The following FUT9 variants were observed in gnomAD, a reference collection of about 807,000 sequenced individuals.
FUT9 encodes the protein 4-galactosyl-N-acetylglucosaminide 3-alpha-L-fucosyltransferase 9.
In FUT9, 15 loss-of-function variants were observed where a neutral mutation model predicts 29.7. That is an observed-to-expected ratio of 0.51 (90% CI 0.34 to 0.78). The LOEUF is 0.78. Ranked by LOEUF, FUT9 falls within the 30% of genes least tolerant of loss-of-function variation. FUT9 has a pLI of 0.01. For missense variants in FUT9, 319 were observed against 425.4 expected, an observed-to-expected ratio of 0.75 and a Z score of 2.20; for synonymous variants, 169 against 153.7, an observed-to-expected ratio of 1.10 and a Z score of -0.74.
intron 1 of FUT9, among the ~76,000 whole-genome samples, chr6:96,027,083 G>C (rs9404151): frequency 0.049 from 7,403 of 151,648 alleles, 246 homozygotes; most frequent in East Asian, 0.1. Flanking sequence ...AATGACCATT[G>C]TTTTACTTAT....
rs41285452 is a variant in FUT9, at chr6:96,204,392, C to T, written c.*157C>T. 847 of 471,790 alleles carry T rather than the reference C, an allele frequency of 1.8e-3. 2 individuals carry two copies. The highest frequency in any genetic ancestry group is 2.5e-3 in the Non-Finnish European group (691 of 271,380). 29.2% of individuals were successfully genotyped at this position (471,790 alleles called of 1,614,324 possible). A position where few individuals can be genotyped will look rare whatever the true frequency, so the allele number is the denominator to read the frequency against. Reference sequence around the variant, plus strand: ...ATATTTTGGTGGAGATTTTTAAAAGCTCAGCATGAGCAATCATTCCATTCG... The same window carrying T: ...ATATTTTGGTGGAGATTTTTAAAAGTTCAGCATGAGCAATCATTCCATTCG... On this transcript the variant is annotated 3_prime_UTR_variant, in exon 3 of 3. Coordinates refer to ENST00000302103, the MANE Select transcript of FUT9 (RefSeq NM_006581.4).
Position 96,063,915 on chromosome 6 carries a change from A to G in FUT9, c.-98+47703A>G, listed in dbSNP as rs577282304. Among the ~76,000 whole-genome samples the G allele has an allele frequency of 4.6e-5, 7 of 152,282 alleles. No individual in the cohort carries two copies. The South Asian group carries it at 1.5e-3, about 32-fold the overall frequency. On this transcript the variant is annotated intron_variant, in intron 1 of 2. Transcript: ENST00000302103. ...TTATAATTGAATTAAAAACTTAAGT[A>G]ATTGTTTCTGTTATTTAAACTCACT...
chr6:96,024,007 A>G (rs1770118785), intron 1 of FUT9, among the ~76,000 whole-genome samples: 2 of 152,086 alleles, frequency 1.3e-5, no homozygotes, highest in Admixed American at 1.3e-4. Flanking sequence ...TAAGCACTTA[A>G]TATATTAATT....
chr6:96,018,088 A>AG (rs1554186907), intron 1 of FUT9, among the ~76,000 whole-genome samples: 1 of 152,184 alleles, frequency 6.6e-6, no homozygotes, highest in Non-Finnish European at 1.5e-5. Flanking sequence ...TTAAAAGTCA[A>AG]GAGGGGCTGT....
intron 1 of FUT9, among the ~76,000 whole-genome samples, chr6:96,107,824 A>G (rs1445644496): frequency 1.3e-5 from 2 of 152,184 alleles, no homozygotes; most frequent in Non-Finnish European, 2.9e-5. Context: ...GAGGATCTAC[A>G]TCCTATTCAC....
rs753835629 is a variant in FUT9 at position 96,203,665 on chromosome 6, C to A, written c.510C>A (p.Phe170Leu). ...RDSDIQVPYGFLTVSTNPFVF... is the reference protein window; with the variant it reads ...RDSDIQVPYGLLTVSTNPFVF... ...CAGATATCCAAGTGCCTTATGGCTT[C>A]TTGACGGTAAGCACAAATCCCTTCG... The change falls in exon 3 of 3, where the codon TTC (phenylalanine) becomes TTA (leucine). Residue 170 changes from phenylalanine to leucine, a missense_variant. Phe to Leu is a conservative substitution (Grantham distance 22, BLOSUM62 0). Transcript: ENST00000302103. 3 of 1,613,798 alleles carry A rather than the reference C, an allele frequency of 1.9e-6. No individual in the cohort carries two copies. The highest frequency in any genetic ancestry group is 2.5e-6 in the Non-Finnish European group (3 of 1,179,980).
intron 1 of FUT9, among the ~76,000 whole-genome samples, chr6:96,041,498 C>G (rs536378996): frequency 8.5e-5 from 13 of 152,162 alleles, no homozygotes; most frequent in Admixed American, 3.3e-4. Flanking sequence ...TTCCAACATC[C>G]CATTTCTATG....
At chr6:96,111,048 A>G (rs187780560) in intron 1 of FUT9, among the ~76,000 whole-genome samples, 2 of 152,256 alleles carry the variant, frequency 1.3e-5, no homozygotes, top group African/African-American at 2.4e-5. Context: ...CATTGAGATG[A>G]AAAGTAAAAA....
At chr6:96,174,384 A>G (rs1015450518) in intron 2 of FUT9, among the ~76,000 whole-genome samples, 2 of 152,196 alleles carry the variant, frequency 1.3e-5, no homozygotes, top group Admixed American at 6.5e-5. Flanking sequence ...GATGTTTTCC[A>G]TCTACATGGG....
intron 1 of FUT9, among the ~76,000 whole-genome samples, chr6:96,042,522 C>A (rs1248525576): frequency 2.6e-5 from 4 of 152,048 alleles, no homozygotes; most frequent in Admixed American, 2.6e-4. Flanking sequence ...CCTGTAAATT[C>A]GTTTATTATG....
chr6:96,085,445 G>T (rs559848872), intron 1 of FUT9, among the ~76,000 whole-genome samples: 1 of 152,260 alleles, frequency 6.6e-6, no homozygotes, highest in South Asian at 2.1e-4. Flanking sequence ...ATTCCCAAGC[G>T]TAGAGCACTC....
In FUT9 at chr6:96,206,235, C is replaced by G. The variant is rs112411644; in HGVS notation, c.*2000C>G. On this transcript the variant is annotated 3_prime_UTR_variant, in exon 3 of 3. Coordinates refer to ENST00000302103, the MANE Select transcript of FUT9 (RefSeq NM_006581.4). The stretch of plus-strand genomic sequence containing the variant: ...AACTTTGTCAACTCTTTTGACCCAA[C>G]ATATTATTCTCTCCGTATTATCTCT... 2.9e-3 allele frequency: 487 copies of G among 167,194 alleles called. 3 individuals carry two copies. Among genetic ancestry groups the G allele is most frequent in the East Asian group, 0.019 (100 of 5,188 alleles). 10.4% of individuals were successfully genotyped at this position (167,194 alleles called of 1,614,324 possible). A position where few individuals can be genotyped will look rare whatever the true frequency, so the allele number is the denominator to read the frequency against.
intron 1 of FUT9, among the ~76,000 whole-genome samples, chr6:96,061,789 C>T (rs983307418): frequency 6.6e-6 from 1 of 152,066 alleles, no homozygotes; most frequent in Non-Finnish European, 1.5e-5. Flanking sequence ...GCTAATTACC[C>T]AATCACAATA....
chr6:96,205,428 G>T lies in FUT9; in HGVS notation c.*1193G>T, dbSNP rs1773810540. ...TCAAGGAAGTGACAGTTCTACTTTA[G>T]AAGTACTAATTGGAGATGACTTTTA... On this transcript the variant is annotated 3_prime_UTR_variant, in exon 3 of 3. Coordinates refer to ENST00000302103, the MANE Select transcript of FUT9 (RefSeq NM_006581.4). The T allele has an allele frequency of 6.0e-6, 1 of 167,090 alleles. No homozygotes were observed. Among genetic ancestry groups the T allele is most frequent in the East Asian group, 1.9e-4 (1 of 5,184 alleles). The allele number at this position is 167,090 out of a possible 1,614,324, so 10.4% of individuals were successfully genotyped here. A position where few individuals can be genotyped will look rare whatever the true frequency, so the allele number is the denominator to read the frequency against.
Position 96,204,991 on chromosome 6 carries a change from A to G in FUT9, c.*756A>G, listed in dbSNP as rs1773800818. On this transcript the variant is annotated 3_prime_UTR_variant, in exon 3 of 3. Transcript: ENST00000302103. The stretch of plus-strand genomic sequence containing the variant: ...AATAATACTTTAGAAAATCTAAGAC[A>G]GTTCTTTCTGCTACTGATGACACTC... 6.1e-6 allele frequency: 1 copy of G among 163,800 alleles called. No homozygotes were observed. The highest frequency in any genetic ancestry group is 6.5e-5 in the Admixed American group (1 of 15,276). The allele number at this position is 163,800 out of a possible 1,614,324, so 10.1% of individuals were successfully genotyped here.
chr6:96,158,137 T>C lies in FUT9; in HGVS notation c.-9+44010T>C, dbSNP rs980655254. 3.9e-5 allele frequency among the ~76,000 whole-genome samples: 6 copies of C among 152,192 alleles called. 1 individual carries two copies. In the South Asian group the frequency reaches 1.0e-3, roughly 26 times the overall value. ...TTAGTGGTTACTATAATGTTTACAA[T>C]GTCATTTACCTGAACTTTACATTTG... On this transcript the variant is annotated intron_variant, in intron 2 of 2. Transcript: ENST00000302103.
At chr6:96,107,941 A>T (rs1241555551) in intron 1 of FUT9, among the ~76,000 whole-genome samples, 1 of 151,806 alleles carries the variant, frequency 6.6e-6, no homozygotes. Flanking sequence ...AATAAACAAG[A>T]GCTGTAGAAG....
intron 1 of FUT9, among the ~76,000 whole-genome samples, chr6:96,031,790 A>G (rs902817899): frequency 6.6e-6 from 1 of 151,588 alleles, no homozygotes; most frequent in African/African-American, 2.4e-5. Context: ...CTTTTTAAAT[A>G]TATTTTTCCT....
At chr6:96,104,468 T>C (rs1466195119) in intron 1 of FUT9, among the ~76,000 whole-genome samples, 1 of 152,230 alleles carries the variant, frequency 6.6e-6, no homozygotes, top group Admixed American at 6.5e-5. Flanking sequence ...ATATAAAATA[T>C]ATGAAGGACA....
Sources: gnomAD v4.1 joint callset for allele counts (sites outside exome capture counted in the v4.1 genomes callset) on GRCh38, gnomAD v4.1.1 for gene constraint, MANE v1.5 for transcripts, NCBI Gene and HGNC (gene_info 2026-07-23, HGNC 2026-07-21) for gene names.